The following VAV2 variants were observed in gnomAD, a reference collection of about 807,000 sequenced individuals.
VAV2 encodes guanine nucleotide exchange factor VAV2.
A neutral mutation model predicts 132.5 loss-of-function variants in VAV2; 67 were observed. The observed-to-expected ratio is 0.51, with a 90% CI of 0.42 to 0.62. The LOEUF (loss-of-function observed/expected upper bound fraction) is 0.62, where lower values mean the gene tolerates loss of function less well. VAV2 is among the 20% of genes least tolerant of loss of function. The probability of loss-of-function intolerance (pLI) is 0.00; values close to 1 mark genes in which losing one functional copy is unlikely to be tolerated. For missense variants in VAV2, 938 were observed against 1,153.6 expected (o/e 0.81, Z 2.71); for synonymous variants, 492 against 443.5 (o/e 1.11, Z -1.37).
At chr9:133,955,462 C>A (rs1841727109) in intron 1 of VAV2, among the ~76,000 whole-genome samples, 1 of 111,960 alleles carries the variant, frequency 8.9e-6, no homozygotes, top group African/African-American at 3.5e-5. Context: ...CCCACTCCCC[C>A]TGCCATGCTG....
intron 2 of VAV2, among the ~76,000 whole-genome samples, chr9:133,897,217 G>A (rs1373432505): frequency 5.9e-5 from 9 of 152,152 alleles, no homozygotes; most frequent in South Asian, 2.1e-4. Context: ...GCTGACACTC[G>A]GGAAGAAAGC....
In VAV2 at chr9:133,762,317, T is replaced by G. The variant is rs1035333849; in HGVS notation, c.*1745A>C. The G allele has an allele frequency of 6.6e-6, 1 of 152,650 alleles. No individual in the cohort carries two copies. The highest frequency in any genetic ancestry group is 1.5e-5 in the Non-Finnish European group (1 of 68,044). 9.5% of individuals were successfully genotyped at this position (152,650 alleles called of 1,614,324 possible). A position where few individuals can be genotyped will look rare whatever the true frequency, so the allele number is the denominator to read the frequency against. ...TAAAATATACATCATTTTCTTGCTATTATAAAATCTCTTATTATTCACAGA... is the reference window on the plus strand; with the variant it reads ...TAAAATATACATCATTTTCTTGCTAGTATAAAATCTCTTATTATTCACAGA... On this transcript the variant is annotated 3_prime_UTR_variant, in exon 30 of 30. Transcript: ENST00000371850. This position sits in a 1 kb window ranked among gnomAD's most constrained non-coding sequence, Gnocchi z 5.0.
intron 3 of VAV2, among the ~76,000 whole-genome samples, chr9:133,847,822 G>A (rs59276842): frequency 0.042 from 6,398 of 152,186 alleles, 400 homozygotes; most frequent in African/African-American, 0.14. Context: ...ACGCCTGGTC[G>A]TGGCTGCTAT....
intron 3 of VAV2, among the ~76,000 whole-genome samples, chr9:133,849,766 C>T (rs1204027012): frequency 6.6e-6 from 1 of 152,168 alleles, no homozygotes; most frequent in East Asian, 1.9e-4. Context: ...CTAACCTCTG[C>T]CTCCCTCTTC....
rs56141918 is a variant in VAV2, at chr9:133,917,441, C to CTTTTTTTTTTTTT, written c.321+21649_321+21661dup. Among the ~76,000 whole-genome samples the CTTTTTTTTTTTTT allele has an allele frequency of 1.9e-4, 25 of 132,596 alleles. 1 individual carries two copies. The highest frequency in any genetic ancestry group is 7.9e-4 in the African/African-American group (24 of 30,362). The allele number at this position is 132,596 out of a possible 152,430, so 87.0% of individuals were successfully genotyped here. ...TCATGAGAAAAACAGAAAACTCTTT[C>CTTTTTTTTTTTTT]TTTTTTTTTTTTTTTGGCTAGAAGG... On this transcript the variant is annotated intron_variant, in intron 2 of 29. Coordinates refer to ENST00000371850, the MANE Select transcript of VAV2 (RefSeq NM_001134398.2).
intron 1 of VAV2, among the ~76,000 whole-genome samples, chr9:133,957,005 TGCCCAGCTCCCC>T (rs1841804700): frequency 2.0e-5 from 3 of 152,174 alleles, no homozygotes; most frequent in Admixed American, 6.5e-5. Context: ...CCCACCCACC[TGCCCAGCTCCCC>T]ACCCAGCTCC....
At chr9:133,859,480 G>A (rs760086574) in intron 3 of VAV2, among the ~76,000 whole-genome samples, 5 of 152,278 alleles carry the variant, frequency 3.3e-5, no homozygotes, top group African/African-American at 7.2e-5. Context: ...CTCGTCTGAC[G>A]TGGGGTCTGC....
rs921552712 is a variant in VAV2, at chr9:133,991,582, C to G, written c.204+493G>C. ...GGGCCAACCCAGCTCCCTCCGGCCCCGAGGGCTCCCGCCCCGCGCCCCTCC... is the reference window on the plus strand; with the variant it reads ...GGGCCAACCCAGCTCCCTCCGGCCCGGAGGGCTCCCGCCCCGCGCCCCTCC... On this transcript the variant is annotated intron_variant, in intron 1 of 29. Coordinates refer to ENST00000371850, the MANE Select transcript of VAV2 (RefSeq NM_001134398.2). The surrounding 1 kb of genome is among the most constrained non-coding windows in gnomAD (Gnocchi z 4.8). 1.3e-5 allele frequency among the ~76,000 whole-genome samples: 2 copies of G among 151,580 alleles called. No individual in the cohort carries two copies. Among genetic ancestry groups the G allele is most frequent in the Non-Finnish European group, 2.9e-5 (2 of 67,826 alleles).
intron 1 of VAV2, among the ~76,000 whole-genome samples, chr9:133,944,961 TG>T (rs1350839853): frequency 6.6e-6 from 1 of 152,214 alleles, no homozygotes; most frequent in East Asian, 1.9e-4. Flanking sequence ...CGCGTCTCGG[TG>T]CGCTGACTCA....
intron 2 of VAV2, among the ~76,000 whole-genome samples, chr9:133,866,736 G>A (rs1196148123): frequency 1.3e-5 from 2 of 151,416 alleles, no homozygotes; most frequent in African/African-American, 2.4e-5. Context: ...AACCCAGGAC[G>A]TGGAGGTTCC....
rs1840464999 is a variant in VAV2 at position 133,926,000 on chromosome 9, C to CCAAA, written c.321+13102_321+13103insTTTG. 5 of 63,824 alleles carry CCAAA rather than the reference C, an allele frequency of 7.8e-5. 2 individuals are homozygous for CCAAA. The highest frequency in any genetic ancestry group is 3.6e-4 in the Admixed American group (2 of 5,488). The allele number at this position is 63,824 out of a possible 1,614,324, so 4.0% of individuals were successfully genotyped here. On this transcript the variant is annotated intron_variant, in intron 2 of 29. Coordinates refer to ENST00000371850, the MANE Select transcript of VAV2 (RefSeq NM_001134398.2). ...AACTTAATTAACTGTGGACATGGAC[C>CCAAA]AAAAAAAAAAAAAAAAAAAAAAAAA... is the stretch of plus-strand genomic sequence containing the variant.
At chr9:133,859,414 G>A (rs1837509944) in intron 3 of VAV2, among the ~76,000 whole-genome samples, 1 of 152,190 alleles carries the variant, frequency 6.6e-6, no homozygotes, top group Non-Finnish European at 1.5e-5. Flanking sequence ...ACCTGTGGCA[G>A]GACCACGCCA....
At chr9:133,807,177 C>T in intron 8 of VAV2, 81 bp downstream of exon 8, 1 of 1,499,786 alleles carries the variant, frequency 6.7e-7, no homozygotes, top group Non-Finnish European at 9.0e-7. Context: ...CTCCAAGGCC[C>T]TGAGGACAGC....
chr9:133,892,903 C>T (rs1404149460), intron 2 of VAV2, among the ~76,000 whole-genome samples: 3 of 152,192 alleles, frequency 2.0e-5, no homozygotes, highest in African/African-American at 7.2e-5. Context: ...TCTCCATCCA[C>T]GGGGAACTTG....
intron 7 of VAV2, among the ~76,000 whole-genome samples, chr9:133,808,370 T>C (rs1438013624): frequency 6.6e-6 from 1 of 152,118 alleles, no homozygotes; most frequent in Non-Finnish European, 1.5e-5. Context: ...GCCACCCTGG[T>C]TGGTTTTTCT....
rs1554819013 is a variant in VAV2 at position 133,964,032 on chromosome 9, T to TATATATAC, written c.205-24814_205-24813insGTATATAT. ...AAAAAATTATTCATTCATATATATA[T>TATATATAC]ATATATATATATATATACATATATA... is the stretch of plus-strand genomic sequence containing the variant. On this transcript the variant is annotated intron_variant, in intron 1 of 29. Transcript: ENST00000371850. 2.5e-3 allele frequency among the ~76,000 whole-genome samples: 233 copies of TATATATAC among 94,760 alleles called. 6 individuals are homozygous for TATATATAC. The East Asian group carries it at 0.029, about 12-fold the overall frequency. The allele number at this position is 94,760 out of a possible 152,430, so 62.2% of individuals were successfully genotyped here. A position where few individuals can be genotyped will look rare whatever the true frequency, so the allele number is the denominator to read the frequency against.
At chr9:133,822,220 G>A (rs1357352467) in intron 4 of VAV2, among the ~76,000 whole-genome samples, 9 of 152,210 alleles carry the variant, frequency 5.9e-5, no homozygotes, top group African/African-American at 1.9e-4. Flanking sequence ...GTGTGTTTAC[G>A]GCGGACATAA....
intron 4 of VAV2, among the ~76,000 whole-genome samples, chr9:133,819,676 C>T (rs1203170598): frequency 6.6e-6 from 1 of 152,202 alleles, no homozygotes; most frequent in Non-Finnish European, 1.5e-5. Context: ...CCTTGTGGAG[C>T]CCAGAGCACT....
At chr9:133,793,431 T>A (rs1465647691) in intron 12 of VAV2, among the ~76,000 whole-genome samples, 3 of 148,820 alleles carry the variant, frequency 2.0e-5, no homozygotes, top group Non-Finnish European at 1.5e-5. Flanking sequence ...AGGAGGGAAC[T>A]TCCTGGGGAG....
Sources: allele counts gnomAD v4.1 joint callset (sites outside exome capture counted in the v4.1 genomes callset), GRCh38; gene constraint gnomAD v4.1.1; non-coding constraint Gnocchi (gnomAD v3.1); transcripts MANE v1.5; gene names NCBI Gene and HGNC (gene_info 2026-07-23, HGNC 2026-07-21).